Variants in B3GALT1 observed in about 807,000 individuals in gnomAD.
The protein encoded by B3GALT1 is beta-1,3-galactosyltransferase 1, also known as UDP-Gal:betaGlcNAc beta 1,3-galactosyltransferase, polypeptide 1.
Under a neutral mutation model 23.2 loss-of-function variants are expected in B3GALT1, and 10 were observed. The observed-to-expected ratio is 0.43, with a 90% CI of 0.27 to 0.73. The LOEUF (loss-of-function observed/expected upper bound fraction) is 0.73. Ranked by LOEUF, B3GALT1 falls within the 30% of genes least tolerant of loss-of-function variation. The probability of loss-of-function intolerance (pLI) is 0.21; values close to 1 mark genes in which losing one functional copy is unlikely to be tolerated. For synonymous variants in B3GALT1, 156 were observed against 141.5 expected (o/e 1.10, Z -0.73); for missense variants, 299 against 405.4 (o/e 0.74, Z 2.25).
rs527384032 is a variant in B3GALT1, at chr2:167,667,157, A to G, written c.-352+20191A>G. 3.1e-4 allele frequency among the ~76,000 whole-genome samples: 47 copies of G among 150,212 alleles called. 1 individual carries two copies. In the East Asian group the frequency reaches 8.9e-3, roughly 28 times the overall value. On this transcript the variant is annotated intron_variant, in intron 3 of 4. Coordinates refer to ENST00000392690, the MANE Select transcript of B3GALT1 (RefSeq NM_020981.4). ...TTAGGGCAGGCCTGGTGGTGACAAAATCTCTCAGCATTTGCTTGTCTGTAA... is the reference window on the plus strand; with the variant it reads ...TTAGGGCAGGCCTGGTGGTGACAAAGTCTCTCAGCATTTGCTTGTCTGTAA...
chr2:167,578,032 T>A (rs904236364), intron 2 of B3GALT1, among the ~76,000 whole-genome samples: 1 of 151,938 alleles, frequency 6.6e-6, no homozygotes, highest in African/African-American at 2.4e-5. Flanking sequence ...CCCTGCACAA[T>A]TCTATTCAGA....
rs189256802 is a variant in B3GALT1 at position 167,537,294 on chromosome 2, A to G, written c.-410+47017A>G. The stretch of plus-strand genomic sequence containing the variant: ...GGGGAAACCACCGTATGATTCATTT[A>G]TCTCCACCTGGCCCCTCCCTTGACA... On this transcript the variant is annotated intron_variant, in intron 2 of 4. Transcript: ENST00000392690. Among the ~76,000 whole-genome samples the G allele has an allele frequency of 2.7e-3, 407 of 152,238 alleles. 1 individual carries two copies. The highest frequency in any genetic ancestry group is 9.1e-3 in the African/African-American group (376 of 41,544).
chr2:167,491,148 C>T (rs569887954), intron 2 of B3GALT1, among the ~76,000 whole-genome samples: 17 of 152,140 alleles, frequency 1.1e-4, no homozygotes, highest in African/African-American at 2.6e-4. Context: ...TGGACTAGGC[C>T]GGGTAACTCC....
At chr2:167,705,375 G>GA (rs1179454448) in intron 3 of B3GALT1, among the ~76,000 whole-genome samples, 4 of 152,118 alleles carry the variant, frequency 2.6e-5, no homozygotes, top group Admixed American at 2.6e-4. Flanking sequence ...CATCATATTA[G>GA]AAAAAATGGG....
At chr2:167,521,655 T>TA (rs1271155128) in intron 2 of B3GALT1, among the ~76,000 whole-genome samples, 1 of 152,084 alleles carries the variant, frequency 6.6e-6, no homozygotes, top group Non-Finnish European at 1.5e-5. Flanking sequence ...CCAAATTTCT[T>TA]ACACCTTTCC....
At chr2:167,708,513 T>C (rs927034422) in intron 3 of B3GALT1, among the ~76,000 whole-genome samples, 1 of 152,092 alleles carries the variant, frequency 6.6e-6, no homozygotes, top group Non-Finnish European at 1.5e-5. Context: ...ATACAAAAAA[T>C]TAGCCGGCAC....
chr2:167,450,514 G>A (rs776950713), intron 1 of B3GALT1, among the ~76,000 whole-genome samples: 1 of 152,164 alleles, frequency 6.6e-6, no homozygotes, highest in Admixed American at 6.5e-5. Flanking sequence ...GGAGCCTGAA[G>A]ATAGGGCCCC....
chr2:167,498,210 T>C (rs1699804193), intron 2 of B3GALT1, among the ~76,000 whole-genome samples: 1 of 152,172 alleles, frequency 6.6e-6, no homozygotes, highest in Non-Finnish European at 1.5e-5. Context: ...TTTTGTCAGG[T>C]CATCACCAAA....
chr2:167,869,828 T>G lies in B3GALT1; in HGVS notation c.789T>G (p.Leu263=). The G allele has an allele frequency of 6.2e-7, 1 of 1,614,152 alleles. No individual in the cohort carries two copies. Among genetic ancestry groups the G allele is most frequent in the Non-Finnish European group, 8.5e-7 (1 of 1,180,024 alleles). ...KTSLHTRLLH[L]EDVYVGLCLR... ...CACTCCACACAAGGCTGCTTCACCT[T>G]GAAGACGTATATGTGGGACTGTGTC... The change falls in exon 5 of 5, where the codon CTT becomes CTG. Residue 263 remains leucine (L), a synonymous_variant. Transcript: ENST00000392690. This position sits in a 1 kb window ranked among gnomAD's most constrained non-coding sequence, Gnocchi z 6.4.
chr2:167,495,293 G>T lies in B3GALT1; in HGVS notation c.-410+5016G>T, dbSNP rs180840295. 5.3e-3 allele frequency among the ~76,000 whole-genome samples: 790 copies of T among 149,652 alleles called. 9 individuals are homozygous for T. Among genetic ancestry groups the T allele is most frequent in the African/African-American group, 0.019 (755 of 40,582 alleles). On this transcript the variant is annotated intron_variant, in intron 2 of 4. Coordinates refer to ENST00000392690, the MANE Select transcript of B3GALT1 (RefSeq NM_020981.4). ...ACTTAGAGAAGGTGATGAAGAAGAG[G>T]TGCCATTTTGCTTTTTTCGCCAGCT... is the stretch of plus-strand genomic sequence containing the variant.
chr2:167,362,739 T>C (rs1697517626), intron 1 of B3GALT1, among the ~76,000 whole-genome samples: 1 of 152,200 alleles, frequency 6.6e-6, no homozygotes, highest in Non-Finnish European at 1.5e-5. Flanking sequence ...AAAATGGTGC[T>C]CTGAGTAAAA....
chr2:167,728,296 A>T (rs930741732), intron 3 of B3GALT1, among the ~76,000 whole-genome samples: 17 of 152,216 alleles, frequency 1.1e-4, no homozygotes, highest in African/African-American at 4.1e-4. Flanking sequence ...CTGAGGCAGG[A>T]GAATCATTTG....
chr2:167,451,780 G>C (rs1157175704), intron 1 of B3GALT1, among the ~76,000 whole-genome samples: 1 of 152,208 alleles, frequency 6.6e-6, no homozygotes, highest in Non-Finnish European at 1.5e-5. Flanking sequence ...TTGGCTACCA[G>C]GGCGGGTAGA....
At chr2:167,317,467 C>T (rs1349533017) in intron 1 of B3GALT1, among the ~76,000 whole-genome samples, 7 of 152,084 alleles carry the variant, frequency 4.6e-5, no homozygotes, top group Non-Finnish European at 1.0e-4. Context: ...AACATGTGAG[C>T]TTCCTGAGCA....
In B3GALT1 at chr2:167,329,818, T is replaced by G. The variant is rs1388541710; in HGVS notation, c.-511+36484T>G. On this transcript the variant is annotated intron_variant, in intron 1 of 4. Coordinates refer to ENST00000392690, the MANE Select transcript of B3GALT1 (RefSeq NM_020981.4). ...AACTGGCAGTTTTTGTTTTGTTTTT[T>G]TTTTTCCTCTTTCAGCCTTTGAATC... 3.9e-5 allele frequency among the ~76,000 whole-genome samples: 6 copies of G among 152,272 alleles called. No homozygotes were observed. The East Asian group carries it at 1.2e-3, about 29-fold the overall frequency.
intron 2 of B3GALT1, among the ~76,000 whole-genome samples, chr2:167,579,432 C>CTTTTTTTTTTTTTTTT (rs71395297): frequency 2.8e-5 from 3 of 109,032 alleles, no homozygotes; most frequent in African/African-American, 7.6e-5. Context: ...TTTTTTTTGT[C>CTTTTTTTTTTTTTTTT]TTTTTTTTTT....
intron 4 of B3GALT1, among the ~76,000 whole-genome samples, chr2:167,853,706 A>T (rs564934116): frequency 1.3e-5 from 2 of 152,348 alleles, no homozygotes; most frequent in Non-Finnish European, 2.9e-5. Context: ...ACCAACAGGC[A>T]CATGTATGTT....
chr2:167,631,931 GCTATCCCTCCC>G (rs1553473899), intron 2 of B3GALT1, among the ~76,000 whole-genome samples: 2 of 151,774 alleles, frequency 1.3e-5, no homozygotes, highest in Non-Finnish European at 2.9e-5. Context: ...TTCTCCTAAT[GCTATCCCTCCC>G]CTACCCCCCA....
At chr2:167,523,593 T>G (rs1400824056) in intron 2 of B3GALT1, among the ~76,000 whole-genome samples, 2 of 151,974 alleles carry the variant, frequency 1.3e-5, no homozygotes, top group Non-Finnish European at 2.9e-5. Context: ...GCCCAGCTAA[T>G]TTTGTATTTT....
Sources: gnomAD v4.1 joint callset for allele counts (sites outside exome capture counted in the v4.1 genomes callset) on GRCh38, gnomAD v4.1.1 for gene constraint, Gnocchi (gnomAD v3.1) non-coding constraint, MANE v1.5 for transcripts, NCBI Gene and HGNC (gene_info 2026-07-23, HGNC 2026-07-21) for gene names.